NKAIN3: variants seen among roughly 807,000 people sequenced by gnomAD.
The protein encoded by NKAIN3 is sodium/potassium-transporting ATPase subunit beta-1-interacting protein 3.
A neutral mutation model predicts 30.2 loss-of-function variants in NKAIN3; 25 were observed. The ratio of observed to expected loss-of-function variants is 0.83; its 90% CI spans 0.60 to 1.16. The LOEUF is 1.16. NKAIN3 is among the 50% of genes most tolerant of loss of function. The pLI is 0.00. For synonymous variants in NKAIN3, 91 were observed against 89.6 expected, an observed-to-expected ratio of 1.02 and a Z score of -0.09; for missense variants, 225 against 254.1, an observed-to-expected ratio of 0.89 and a Z score of 0.78.
At chr8:62,513,746 A>T (rs886988547) in intron 1 of NKAIN3, among the ~76,000 whole-genome samples, 1 of 150,816 alleles carries the variant, frequency 6.6e-6, no homozygotes, top group Non-Finnish European at 1.5e-5. Context: ...TGGCGCACAC[A>T]TGTAGTCCCA....
At chr8:62,669,158 C>A (rs1012519198) in intron 3 of NKAIN3, among the ~76,000 whole-genome samples, 2 of 152,166 alleles carry the variant, frequency 1.3e-5, no homozygotes, top group Non-Finnish European at 2.9e-5. Flanking sequence ...AATGACTGAG[C>A]ATGACTGGGA....
At chr8:62,755,352 GCAGCTC>G (rs1816418639) in intron 4 of NKAIN3, among the ~76,000 whole-genome samples, 1 of 152,284 alleles carries the variant, frequency 6.6e-6, no homozygotes, top group East Asian at 1.9e-4. Flanking sequence ...GGATTTAATT[GCAGCTC>G]CACTATTAGA....
At chr8:62,506,482 T>TC (rs1330848393) in intron 1 of NKAIN3, among the ~76,000 whole-genome samples, 1 of 141,062 alleles carries the variant, frequency 7.1e-6, no homozygotes, top group Middle Eastern at 3.4e-3. Flanking sequence ...CTTTCTTTTT[T>TC]TTTTTTTTTT....
At chr8:62,667,344 TCTTTATATATATATCTGTA>T (rs372610829) in intron 3 of NKAIN3, among the ~76,000 whole-genome samples, 1 of 81,332 alleles carries the variant, frequency 1.2e-5, no homozygotes, top group African/African-American at 5.6e-5. Flanking sequence ...ATATATATAT[TCTTTATATATATATCTGTA>T]TATATATATA....
intron 1 of NKAIN3, among the ~76,000 whole-genome samples, chr8:62,301,814 A>G (rs1279833982): frequency 6.6e-6 from 1 of 152,094 alleles, no homozygotes; most frequent in African/African-American, 2.4e-5. Flanking sequence ...TCAAAGAAGC[A>G]TATACAAAAG....
At chr8:62,867,468 A>T (rs1820462888) in intron 4 of NKAIN3, among the ~76,000 whole-genome samples, 1 of 152,224 alleles carries the variant, frequency 6.6e-6, no homozygotes, top group Non-Finnish European at 1.5e-5. Context: ...TGAAACTAAA[A>T]AAAGACACAC....
At chr8:62,374,871 T>G (rs1181561346) in intron 1 of NKAIN3, among the ~76,000 whole-genome samples, 2 of 152,184 alleles carry the variant, frequency 1.3e-5, no homozygotes, top group African/African-American at 4.8e-5. Flanking sequence ...GTTACTGAAC[T>G]TGGGAAAAGA....
intron 3 of NKAIN3, among the ~76,000 whole-genome samples, chr8:62,714,095 A>G (rs980973892): frequency 2.2e-4 from 34 of 152,134 alleles, no homozygotes; most frequent in Non-Finnish European, 5.0e-4. Context: ...TCCATTTTTC[A>G]TTTCAGAAAT....
chr8:62,324,363 T>C (rs182456796), intron 1 of NKAIN3, among the ~76,000 whole-genome samples: 1 of 152,216 alleles, frequency 6.6e-6, no homozygotes, highest in Admixed American at 6.5e-5. Flanking sequence ...TTAATAATGA[T>C]TACGACCTAA....
chr8:62,506,464 T>TTTTCTTTCTTTC (rs142208754), intron 1 of NKAIN3, among the ~76,000 whole-genome samples: 13 of 121,132 alleles, frequency 1.1e-4, no homozygotes, highest in South Asian at 5.7e-4. Flanking sequence ...GCTTTTTCTT[T>TTTTCTTTCTTTC]TTTCTTTCTT....
chr8:62,316,428 C>G (rs980926369), intron 1 of NKAIN3, among the ~76,000 whole-genome samples: 28 of 151,202 alleles, frequency 1.9e-4, no homozygotes, highest in Admixed American at 1.8e-3. Flanking sequence ...TATCCCCCCC[C>G]TCCTCCCACC....
At chr8:62,673,719 G>T (rs113386272) in intron 3 of NKAIN3, among the ~76,000 whole-genome samples, 117 of 152,292 alleles carry the variant, frequency 7.7e-4, no homozygotes, top group African/African-American at 2.7e-3. Flanking sequence ...CTACAAACCT[G>T]TACAGTATGT....
intron 4 of NKAIN3, among the ~76,000 whole-genome samples, chr8:62,811,796 T>C (rs1158667398): frequency 6.6e-6 from 1 of 152,032 alleles, no homozygotes; most frequent in Admixed American, 6.6e-5. Flanking sequence ...AATATGTGGT[T>C]TGTAAATATT....
rs1812838633 is a variant in NKAIN3, at chr8:62,273,561, G to A, written c.54+24434G>A. Among the ~76,000 whole-genome samples, 2 of 152,106 alleles carry A rather than the reference G, an allele frequency of 1.3e-5. 1 individual carries two copies. The highest frequency in any genetic ancestry group is 4.1e-4 in the South Asian group (2 of 4,822). On this transcript the variant is annotated intron_variant, in intron 1 of 6. Coordinates refer to ENST00000623646, the MANE Select transcript of NKAIN3 (RefSeq NM_001304533.3). ...CAGACAGTTCTTTCTGTTCTTTATA[G>A]GAAGTACTGGCCCTTGTCTGCATTT...
intron 1 of NKAIN3, among the ~76,000 whole-genome samples, chr8:62,570,412 C>T (rs111984171): frequency 0.03 from 4,534 of 152,196 alleles, 97 homozygotes; most frequent in Non-Finnish European, 0.045. Context: ...AAGACATACT[C>T]GAGACAGGGC....
chr8:62,682,707 C>T (rs542031094), intron 3 of NKAIN3, among the ~76,000 whole-genome samples: 2 of 152,142 alleles, frequency 1.3e-5, no homozygotes, highest in South Asian at 4.2e-4. Context: ...CTGTAACTGC[C>T]AGCTTTCCCC....
chr8:62,975,760 T>C lies in NKAIN3; in HGVS notation c.*10353T>C, dbSNP rs182143719. On this transcript the variant is annotated 3_prime_UTR_variant, in exon 7 of 7. Coordinates refer to ENST00000623646, the MANE Select transcript of NKAIN3 (RefSeq NM_001304533.3). ...TTTAATTGTGATGTTAGCGTGTTGA[T>C]TGTAGATGTTTAGATTTTAGATGTT... Among the ~76,000 whole-genome samples, 19 of 152,206 alleles carry C rather than the reference T, an allele frequency of 1.2e-4. No homozygotes were observed. The highest frequency in any genetic ancestry group is 6.5e-5 in the Admixed American group (1 of 15,276).
downstream of NKAIN3, among the ~76,000 whole-genome samples, chr8:62,987,635 C>A (rs1326411516): frequency 6.6e-6 from 1 of 151,960 alleles, no homozygotes; most frequent in Non-Finnish European, 1.5e-5. Flanking sequence ...TGACAGACCT[C>A]CCCCCCATGA....
intron 3 of NKAIN3, among the ~76,000 whole-genome samples, chr8:62,616,428 G>T (rs1300875785): frequency 6.6e-6 from 1 of 152,002 alleles, no homozygotes; most frequent in Non-Finnish European, 1.5e-5. Context: ...AAAGATTACT[G>T]GTTTATTACA....
Sources: allele counts gnomAD v4.1 joint callset (sites outside exome capture counted in the v4.1 genomes callset), GRCh38; gene constraint gnomAD v4.1.1; transcripts MANE v1.5; gene names NCBI Gene and HGNC (gene_info 2026-07-23, HGNC 2026-07-21).